HPSE2: variants seen among roughly 807,000 people sequenced by gnomAD.
The protein encoded by HPSE2 is inactive heparanase-2.
In HPSE2, 38 loss-of-function variants were observed where a neutral mutation model predicts 60.5. The observed-to-expected ratio is 0.63, with a 90% CI of 0.48 to 0.82. The LOEUF (loss-of-function observed/expected upper bound fraction) is 0.82, where lower values mean the gene tolerates loss of function less well. Among genes scored for constraint, HPSE2 ranks in the 40% least tolerant of loss-of-function variants. The pLI is 0.00. For synonymous variants in HPSE2, 295 were observed against 293.2 expected (o/e 1.01, Z -0.06); for missense variants, 713 against 740.4 (o/e 0.96, Z 0.43).
chr10:99,248,233 G>A, the HPSE2 span, among the ~76,000 whole-genome samples: 1 of 152,216 alleles, frequency 6.6e-6, no homozygotes, highest in Non-Finnish European at 1.5e-5. Flanking sequence ...TTGTTAAAAT[G>A]TTGTGACCAA....
At chr10:98,847,082 T>C (rs534970384) in intron 3 of HPSE2, among the ~76,000 whole-genome samples, 8 of 152,288 alleles carry the variant, frequency 5.3e-5, no homozygotes, top group African/African-American at 1.9e-4. Context: ...GGCACAGTCA[T>C]CTCTTCAGTT....
intron 3 of HPSE2, among the ~76,000 whole-genome samples, chr10:98,891,614 T>C (rs1001070923): frequency 2.0e-4 from 31 of 151,866 alleles, no homozygotes; most frequent in Non-Finnish European, 2.9e-5. Context: ...CATGCACCAC[T>C]AATTTTTATT....
intron 9 of HPSE2, among the ~76,000 whole-genome samples, chr10:98,598,378 A>T (rs938120161): frequency 6.6e-6 from 1 of 151,846 alleles, no homozygotes; most frequent in African/African-American, 2.4e-5. Flanking sequence ...TCCTGGATCC[A>T]CTGTGGTAGA....
chr10:98,554,130 T>G (rs542816585), intron 9 of HPSE2, among the ~76,000 whole-genome samples: 13 of 152,186 alleles, frequency 8.5e-5, no homozygotes, highest in Non-Finnish European at 1.3e-4. Context: ...GTGCATCCCA[T>G]GCCCACCAAG....
At chr10:99,055,134 A>G (rs1034379359) in intron 3 of HPSE2, among the ~76,000 whole-genome samples, 4 of 152,230 alleles carry the variant, frequency 2.6e-5, no homozygotes, top group African/African-American at 9.6e-5. Flanking sequence ...TAAATAAACC[A>G]AAAAAGCATT....
At chr10:98,692,995 A>G (rs1044237708) in intron 6 of HPSE2, among the ~76,000 whole-genome samples, 1 of 152,248 alleles carries the variant, frequency 6.6e-6, no homozygotes, top group Non-Finnish European at 1.5e-5. Flanking sequence ...CACATCTGTA[A>G]TGAATCCACA....
intron 9 of HPSE2, among the ~76,000 whole-genome samples, chr10:98,565,347 C>A (rs1397812173): frequency 6.7e-6 from 1 of 149,308 alleles, no homozygotes; most frequent in Non-Finnish European, 1.5e-5. Context: ...CCTGACAGGG[C>A]CCGGAGTGTG....
rs1330099991 is a variant in HPSE2, at chr10:98,699,018, G to C, written c.957-5071C>G. Among the ~76,000 whole-genome samples the C allele has an allele frequency of 2.0e-5, 3 of 152,046 alleles. No homozygotes were observed. The East Asian group carries it at 5.8e-4, about 29-fold the overall frequency. On this transcript the variant is annotated intron_variant, in intron 5 of 11. Coordinates refer to ENST00000370552, the MANE Select transcript of HPSE2 (RefSeq NM_021828.5). The stretch of plus-strand genomic sequence containing the variant: ...TAATCAATAGCTTACCAAACAAAAA[G>C]AGTCCAGGACCAGATGGATTCACAG...
intron 5 of HPSE2, among the ~76,000 whole-genome samples, chr10:98,695,344 G>C (rs1948184370): frequency 6.6e-6 from 1 of 152,144 alleles, no homozygotes; most frequent in African/African-American, 2.4e-5. Context: ...GAACGGTTTT[G>C]CCTTTCTTTC....
At chr10:99,233,342 A>C (rs1054279572) in intron 1 of HPSE2, among the ~76,000 whole-genome samples, 2 of 151,764 alleles carry the variant, frequency 1.3e-5, no homozygotes, top group African/African-American at 4.8e-5. Context: ...CTTCTTTCCC[A>C]CTTGGGGCCG....
intron 10 of HPSE2, among the ~76,000 whole-genome samples, chr10:98,488,398 G>A (rs1252840): frequency 0.07 from 10,657 of 152,078 alleles, 1,199 homozygotes; most frequent in African/African-American, 0.24. Context: ...CACTATATTA[G>A]ACACCAAGAA....
intron 2 of HPSE2, among the ~76,000 whole-genome samples, chr10:99,176,848 A>G (rs1174204741): frequency 6.6e-6 from 1 of 152,104 alleles, no homozygotes; most frequent in African/African-American, 2.4e-5. Flanking sequence ...AATGAAGGAA[A>G]AAATGTAAAG....
chr10:99,147,810 A>AAT (rs1846110309), intron 2 of HPSE2, among the ~76,000 whole-genome samples: 1 of 152,204 alleles, frequency 6.6e-6, no homozygotes, highest in Non-Finnish European at 1.5e-5. Flanking sequence ...AGCACATGGT[A>AAT]ATATATCTGG....
chr10:98,951,801 A>AAAT (rs1364425777), intron 3 of HPSE2, among the ~76,000 whole-genome samples: 1 of 152,194 alleles, frequency 6.6e-6, no homozygotes, highest in Non-Finnish European at 1.5e-5. Context: ...GATGCTTACT[A>AAAT]AATAATAATA....
At chr10:98,729,475 G>A (rs1029792604) in intron 4 of HPSE2, among the ~76,000 whole-genome samples, 4 of 152,074 alleles carry the variant, frequency 2.6e-5, no homozygotes, top group Non-Finnish European at 4.4e-5. Context: ...CGGGCGTGGT[G>A]GCGGGCGCCT....
intron 3 of HPSE2, among the ~76,000 whole-genome samples, chr10:98,903,278 T>C (rs1293892939): frequency 6.6e-6 from 1 of 151,914 alleles, no homozygotes; most frequent in African/African-American, 2.4e-5. Context: ...GAGTGGGGAT[T>C]TGGGGAGTGA....
chr10:98,721,852 G>A (rs748897109), intron 4 of HPSE2, 24 bp from the exon 5 acceptor site: 7 of 1,607,514 alleles, frequency 4.4e-6, no homozygotes, highest in East Asian at 2.2e-5. Flanking sequence ...AGACATGTAA[G>A]TCAGAATGAG....
chr10:99,217,340 T>C (rs1354816869), intron 2 of HPSE2, among the ~76,000 whole-genome samples: 5 of 151,720 alleles, frequency 3.3e-5, no homozygotes, highest in African/African-American at 1.2e-4. Context: ...CAAATGCACA[T>C]TAAAACTTTA....
intron 9 of HPSE2, among the ~76,000 whole-genome samples, chr10:98,513,694 C>T (rs1942496171): frequency 6.6e-6 from 1 of 152,188 alleles, no homozygotes; most frequent in Non-Finnish European, 1.5e-5. Context: ...TTGGTAAGAG[C>T]TATTTTTTGG....
Sources: gnomAD v4.1 joint callset for allele counts (sites outside exome capture counted in the v4.1 genomes callset) on GRCh38, gnomAD v4.1.1 for gene constraint, MANE v1.5 for transcripts, NCBI Gene and HGNC (gene_info 2026-07-23, HGNC 2026-07-21) for gene names.